CHRM3: variants seen among roughly 807,000 people sequenced by gnomAD.
CHRM3 encodes cholinergic receptor muscarinic 3.
Under a neutral mutation model 41.8 loss-of-function variants are expected in CHRM3, and 11 were observed. The ratio of observed to expected loss-of-function variants is 0.26; its 90% CI spans 0.17 to 0.44. CHRM3 has a LOEUF of 0.44. Among genes scored for constraint, CHRM3 ranks in the 20% least tolerant of loss-of-function variants. The pLI is 1.00. For synonymous variants in CHRM3, 297 were observed against 301.4 expected, an observed-to-expected ratio of 0.99 and a Z score of 0.15; for missense variants, 571 against 745.4, an observed-to-expected ratio of 0.77 and a Z score of 2.72.
intron 4 of CHRM3, among the ~76,000 whole-genome samples, chr1:239,657,811 G>A (rs956769986): frequency 1.3e-5 from 2 of 152,092 alleles, no homozygotes; most frequent in African/African-American, 4.8e-5. Context: ...AACATCATCT[G>A]TTTCCAATGC....
chr1:239,600,882 C>T (rs1397794654), intron 3 of CHRM3, among the ~76,000 whole-genome samples: 2 of 151,802 alleles, frequency 1.3e-5, no homozygotes, highest in African/African-American at 4.8e-5. Context: ...TCTCTATTCA[C>T]TGTCTGTTAT....
chr1:239,817,188 C>T (rs1338122816), intron 5 of CHRM3, among the ~76,000 whole-genome samples: 1 of 152,104 alleles, frequency 6.6e-6, no homozygotes, highest in Non-Finnish European at 1.5e-5. Flanking sequence ...ACCTCTTATA[C>T]CATTGCCCTG....
chr1:239,771,114 T>G (rs1331425969), intron 5 of CHRM3, among the ~76,000 whole-genome samples: 1 of 151,684 alleles, frequency 6.6e-6, no homozygotes. Flanking sequence ...GACATTCAAG[T>G]AAAACATCCT....
chr1:239,411,999 T>C lies in CHRM3; in HGVS notation c.-521+24772T>C, dbSNP rs143516239. On this transcript the variant is annotated intron_variant, in intron 1 of 6. Transcript: ENST00000676153. ...TTTTTGGCTTTTAGAAGTTATTTCCTACTCTAGAAAATTTTAGCCCTCTTA... is the reference window on the plus strand; with the variant it reads ...TTTTTGGCTTTTAGAAGTTATTTCCCACTCTAGAAAATTTTAGCCCTCTTA... 2.0e-4 allele frequency among the ~76,000 whole-genome samples: 31 copies of C among 151,744 alleles called. 1 individual carries two copies. The East Asian group carries it at 6.1e-3, about 30-fold the overall frequency.
intron 2 of CHRM3, among the ~76,000 whole-genome samples, chr1:239,513,518 G>T (rs2148213459): frequency 6.6e-6 from 1 of 152,046 alleles, no homozygotes; most frequent in Admixed American, 6.6e-5. Context: ...TGTATATTTT[G>T]GATGAATATA....
intron 5 of CHRM3, among the ~76,000 whole-genome samples, chr1:239,790,068 G>A (rs1669219124): frequency 6.6e-6 from 1 of 152,066 alleles, no homozygotes; most frequent in Admixed American, 6.5e-5. Context: ...CTGTACCCTA[G>A]GTGTATTTAC....
chr1:239,695,343 T>C (rs568941160), intron 5 of CHRM3, among the ~76,000 whole-genome samples: 101 of 152,288 alleles, frequency 6.6e-4, no homozygotes, highest in Non-Finnish European at 1.2e-3. Context: ...CCATCTTATT[T>C]TTTAATATTT....
chr1:239,584,096 ATTC>A (rs1390184594), intron 3 of CHRM3, among the ~76,000 whole-genome samples: 7 of 144,986 alleles, frequency 4.8e-5, no homozygotes, highest in Non-Finnish European at 9.0e-5. Flanking sequence ...CGAATTAGTC[ATTC>A]TTCTTCTTCT....
chr1:239,526,492 A>G (rs1359614655), intron 2 of CHRM3, among the ~76,000 whole-genome samples: 1 of 152,104 alleles, frequency 6.6e-6, no homozygotes, highest in Non-Finnish European at 1.5e-5. Context: ...GTGAATACCA[A>G]TGCTGGCCTG....
intron 6 of CHRM3, among the ~76,000 whole-genome samples, chr1:239,888,502 A>G (rs902599047): frequency 6.6e-6 from 1 of 151,422 alleles, no homozygotes; most frequent in Non-Finnish European, 1.5e-5. Context: ...CTGAGGCAGG[A>G]GGATTGCTTG....
At chr1:239,769,499 T>G (rs1350705022) in intron 5 of CHRM3, among the ~76,000 whole-genome samples, 1 of 152,248 alleles carries the variant, frequency 6.6e-6, no homozygotes, top group East Asian at 1.9e-4. Flanking sequence ...GTATAAGCAC[T>G]GTGTTCCCAA....
intron 4 of CHRM3, among the ~76,000 whole-genome samples, chr1:239,646,692 C>T (rs910453547): frequency 1.3e-5 from 2 of 151,872 alleles, no homozygotes; most frequent in Non-Finnish European, 2.9e-5. Context: ...AGAGTTGTGA[C>T]GTGTGTGGAT....
intron 1 of CHRM3, among the ~76,000 whole-genome samples, chr1:239,444,168 C>G (rs995577904): frequency 6.6e-6 from 1 of 152,088 alleles, no homozygotes; most frequent in African/African-American, 2.4e-5. Context: ...CCGAGGCTGG[C>G]TGTGGGTCTT....
intron 2 of CHRM3, among the ~76,000 whole-genome samples, chr1:239,509,021 C>T (rs1035163697): frequency 1.3e-5 from 2 of 152,154 alleles, no homozygotes; most frequent in African/African-American, 4.8e-5. Flanking sequence ...AGGTCTGTGC[C>T]TCATCCTATG....
chr1:239,708,057 G>C (rs891381573), intron 5 of CHRM3, among the ~76,000 whole-genome samples: 1 of 152,206 alleles, frequency 6.6e-6, no homozygotes, highest in Admixed American at 6.5e-5. Context: ...GGCAGTAAGT[G>C]AATGTGCTAA....
rs75235164 is a variant in CHRM3, at chr1:239,416,810, C to G, written c.-521+29583C>G. Among the ~76,000 whole-genome samples the G allele has an allele frequency of 7.9e-3, 1,208 of 152,162 alleles. 13 individuals are homozygous for G. Among genetic ancestry groups the G allele is most frequent in the African/African-American group, 0.028 (1,160 of 41,552 alleles). The stretch of plus-strand genomic sequence containing the variant: ...TGCCAGCCAGTAAGCTACCTCAACC[C>G]TCTCAATAAGTATGAGGATGGATAG... On this transcript the variant is annotated intron_variant, in intron 1 of 6. Coordinates refer to ENST00000676153, the MANE Select transcript of CHRM3 (RefSeq NM_001375978.1).
chr1:239,843,493 A>AT (rs1270522902), intron 6 of CHRM3, among the ~76,000 whole-genome samples: 4 of 77,340 alleles, frequency 5.2e-5, no homozygotes, highest in African/African-American at 2.0e-4. Context: ...AGGACTTATC[A>AT]TTTGCTTTAA....
intron 5 of CHRM3, among the ~76,000 whole-genome samples, chr1:239,765,192 T>C (rs538623643): frequency 5.9e-4 from 90 of 152,308 alleles, no homozygotes; most frequent in African/African-American, 2.1e-3. Flanking sequence ...CCCAGTCTTT[T>C]TGCAGTAAGG....
At chr1:239,694,143 C>T (rs1347128703) in intron 5 of CHRM3, among the ~76,000 whole-genome samples, 1 of 152,056 alleles carries the variant, frequency 6.6e-6, no homozygotes, top group Admixed American at 6.6e-5. Flanking sequence ...AAATATATAA[C>T]CTAGTTAGAG....
Sources: allele counts gnomAD v4.1 joint callset (sites outside exome capture counted in the v4.1 genomes callset), GRCh38; gene constraint gnomAD v4.1.1; transcripts MANE v1.5; gene names NCBI Gene and HGNC (gene_info 2026-07-23, HGNC 2026-07-21).